TUSC3: variants seen among roughly 807,000 people sequenced by gnomAD.
The protein encoded by TUSC3 is tumor suppressor candidate 3.
In TUSC3, 45 loss-of-function variants were observed where a neutral mutation model predicts 44.8. That is an observed-to-expected ratio of 1.00 (90% CI 0.79 to 1.29). The LOEUF (loss-of-function observed/expected upper bound fraction) is 1.29. TUSC3 is among the 50% of genes most tolerant of loss of function. The probability of loss-of-function intolerance (pLI) is 0.00; values close to 1 mark genes in which losing one functional copy is unlikely to be tolerated. For missense variants in TUSC3, 519 were observed against 437.9 expected, an observed-to-expected ratio of 1.19 and a Z score of -1.65; for synonymous variants, 212 against 152.9, an observed-to-expected ratio of 1.39 and a Z score of -2.85.
At chr8:15,712,003 A>G (rs1809872713) in intron 6 of TUSC3, among the ~76,000 whole-genome samples, 1 of 151,876 alleles carries the variant, frequency 6.6e-6, no homozygotes, top group Admixed American at 6.6e-5. Flanking sequence ...TTGATTTTTA[A>G]TCTTTTCCTT....
intron 1 of TUSC3, among the ~76,000 whole-genome samples, chr8:15,618,430 A>G (rs191261029): frequency 2.0e-5 from 3 of 152,196 alleles, no homozygotes; most frequent in Non-Finnish European, 4.4e-5. Flanking sequence ...AGAAGTTTTT[A>G]TACTTTATTG....
At chr8:15,555,406 C>G (rs1371909810) in intron 1 of TUSC3, among the ~76,000 whole-genome samples, 2 of 148,406 alleles carry the variant, frequency 1.3e-5, no homozygotes, top group African/African-American at 2.5e-5. Flanking sequence ...AAGTGATCCT[C>G]CCACCTCAGC....
chr8:15,731,772 G>A (rs947221624), intron 7 of TUSC3, among the ~76,000 whole-genome samples: 1 of 152,088 alleles, frequency 6.6e-6, no homozygotes, highest in African/African-American at 2.4e-5. Context: ...CAACATTGAA[G>A]TTTTTGGATT....
intron 1 of TUSC3, among the ~76,000 whole-genome samples, chr8:15,457,578 G>T (rs887275273): frequency 6.6e-6 from 1 of 150,650 alleles, no homozygotes. Flanking sequence ...CATACGCTAC[G>T]AGAAAAATGT....
rs1420891783 is a variant in TUSC3, at chr8:15,764,785, A to G, written c.*629A>G. On this transcript the variant is annotated 3_prime_UTR_variant, in exon 11 of 11. Transcript: ENST00000503731. ...ACTAGAGCTCCTTCTTGAGATCTAA[A>G]TCTAAAGTAAATGTGCATTAAAGCA... 2.0e-5 allele frequency: 3 copies of G among 152,592 alleles called. No homozygotes were observed. Among genetic ancestry groups the G allele is most frequent in the African/African-American group, 7.2e-5 (3 of 41,438 alleles). The allele number at this position is 152,592 out of a possible 1,614,324, so 9.5% of individuals were successfully genotyped here. A position where few individuals can be genotyped will look rare whatever the true frequency, so the allele number is the denominator to read the frequency against.
intron 1 of TUSC3, among the ~76,000 whole-genome samples, chr8:15,459,114 T>C (rs1800305606): frequency 1.3e-5 from 2 of 152,296 alleles, no homozygotes; most frequent in South Asian, 2.1e-4. Flanking sequence ...CCCAAGTTTA[T>C]GCCTTGATTT....
Position 15,623,192 on chromosome 8 carries a change from A to G in TUSC3, c.251A>G (p.Tyr84Cys), listed in dbSNP as rs919174940. 6.2e-7 allele frequency: 1 copy of G among 1,613,450 alleles called. No individual in the cohort carries two copies. The highest frequency in any genetic ancestry group is 8.5e-7 in the Non-Finnish European group (1 of 1,179,654). ...TTTATAAAGGCACCACCTCGAAACT[A>G]TTCCATGATTGTTATGTTCACTGCT... ...RKFIKAPPRN[Y>C]SMIVMFTALQ... is the part of the protein sequence containing the mutation. The change falls in exon 2 of 11, where the codon TAT becomes TGT. Residue 84 changes from tyrosine to cysteine, a missense_variant. Physicochemically the swap from Tyr to Cys is radical, Grantham distance 194. Transcript: ENST00000503731.
intron 1 of TUSC3, among the ~76,000 whole-genome samples, chr8:15,556,050 C>G (rs1563287729): frequency 6.7e-6 from 1 of 149,930 alleles, no homozygotes; most frequent in East Asian, 2.0e-4. Context: ...TACATGTGCA[C>G]ATTGTGCAGG....
chr8:15,498,095 G>A (rs188871873), intron 2 of TUSC3, among the ~76,000 whole-genome samples: 1,701 of 152,268 alleles, frequency 0.011, 16 homozygotes, highest in Non-Finnish European at 0.017. Context: ...AGGTTTGTAT[G>A]CTGATGATGA....
the TUSC3 span, chr8:15,806,464 CT>C: frequency 1.2e-6 from 1 of 855,064 alleles, no homozygotes; most frequent in Non-Finnish European, 2.0e-6. Flanking sequence ...CTTGACTTCC[CT>C]TATGCAAACA....
At chr8:15,537,848 C>T (rs1801546620), upstream of TUSC3, among the ~76,000 whole-genome samples, 1 of 151,972 alleles carries the variant, frequency 6.6e-6, no homozygotes, top group South Asian at 2.1e-4. Flanking sequence ...ATCTAGATGT[C>T]AATATTTTAC....
At chr8:15,594,720 C>G (rs1286747029) in intron 1 of TUSC3, among the ~76,000 whole-genome samples, 3 of 152,244 alleles carry the variant, frequency 2.0e-5, no homozygotes, top group Admixed American at 2.0e-4. Context: ...TCTGTGAGTG[C>G]TGGATACTAC....
intron 1 of TUSC3, among the ~76,000 whole-genome samples, chr8:15,459,017 T>C (rs1800304133): frequency 1.3e-5 from 2 of 152,212 alleles, no homozygotes; most frequent in South Asian, 4.1e-4. Flanking sequence ...CCTGTTGAGA[T>C]AGTTAACCCC....
intron 2 of TUSC3, among the ~76,000 whole-genome samples, chr8:15,486,163 G>A (rs1233213499): frequency 6.6e-6 from 1 of 152,138 alleles, no homozygotes. Context: ...TTTGAAAGAA[G>A]TGACGTGATT....
intron 2 of TUSC3, among the ~76,000 whole-genome samples, chr8:15,518,450 TC>T (rs914708937): frequency 6.6e-6 from 1 of 152,196 alleles, no homozygotes; most frequent in African/African-American, 2.4e-5. Context: ...AATCTGTATT[TC>T]TTCTCTGTAT....
chr8:15,473,806 A>G (rs1439273742), intron 1 of TUSC3, among the ~76,000 whole-genome samples: 1 of 152,074 alleles, frequency 6.6e-6, no homozygotes, highest in Admixed American at 6.6e-5. Context: ...GCAAAACAGA[A>G]CTACTGATAA....
At chr8:15,728,630 G>A (rs1049967212) in intron 6 of TUSC3, among the ~76,000 whole-genome samples, 1 of 152,184 alleles carries the variant, frequency 6.6e-6, no homozygotes, top group African/African-American at 2.4e-5. Context: ...TGCTGGGATA[G>A]AAAGGGATAT....
At chr8:15,582,486 A>C (rs1803408720) in intron 1 of TUSC3, among the ~76,000 whole-genome samples, 1 of 152,216 alleles carries the variant, frequency 6.6e-6, no homozygotes, top group Non-Finnish European at 1.5e-5. Flanking sequence ...AACACTTAAT[A>C]AGTTTCTAAA....
intron 1 of TUSC3, among the ~76,000 whole-genome samples, chr8:15,542,205 G>C (rs1801715674): frequency 6.6e-6 from 1 of 152,004 alleles, no homozygotes; most frequent in South Asian, 2.1e-4. Flanking sequence ...CCAGGTCATA[G>C]GTAGATTTAA....
Sources: allele counts gnomAD v4.1 joint callset (sites outside exome capture counted in the v4.1 genomes callset), GRCh38; gene constraint gnomAD v4.1.1; transcripts MANE v1.5; gene names NCBI Gene and HGNC (gene_info 2026-07-23, HGNC 2026-07-21).